The following USP34 variants were observed in gnomAD, a reference collection of about 807,000 sequenced individuals.
USP34 encodes ubiquitin specific peptidase 34.
A neutral mutation model predicts 460.3 loss-of-function variants in USP34; 70 were observed. The observed-to-expected ratio is 0.15, with a 90% confidence interval of 0.13 to 0.19. USP34 has a LOEUF of 0.19. Among genes scored for constraint, USP34 ranks in the 10% least tolerant of loss-of-function variants. The pLI is 1.00. For missense variants in USP34, 3,985 were observed against 4,236.2 expected, an observed-to-expected ratio of 0.94 and a Z score of 1.65; for synonymous variants, 1,647 against 1,405.3, an observed-to-expected ratio of 1.17 and a Z score of -3.85.
chr2:61,339,195 A>G (rs1353186857), intron 18 of USP34, among the ~76,000 whole-genome samples, 156 bp downstream of exon 18: 1 of 152,180 alleles, frequency 6.6e-6, no homozygotes, highest in Non-Finnish European at 1.5e-5. Context: ...GTTAAGAAGA[A>G]ACCTCTAAAT....
chr2:61,258,467 G>GAATAGATGGTCTC (rs1223011941), intron 44 of USP34, among the ~76,000 whole-genome samples: 1 of 152,172 alleles, frequency 6.6e-6, no homozygotes, highest in Non-Finnish European at 1.5e-5. Context: ...TTAATCTGTG[G>GAATAGATGGTCTC]AATAGATGGT....
chr2:61,423,916 C>G (rs768348700), intron 1 of USP34, among the ~76,000 whole-genome samples: 1 of 152,122 alleles, frequency 6.6e-6, no homozygotes, highest in Admixed American at 6.5e-5. Context: ...ATGATCATGC[C>G]ACTGACTCCA....
In USP34 at chr2:61,369,051, T is replaced by A. The variant is rs186798132; in HGVS notation, c.1251+1270A>T. On this transcript the variant is annotated intron_variant, in intron 10 of 79. Coordinates refer to ENST00000398571, the MANE Select transcript of USP34 (RefSeq NM_014709.4). ...ATTCCAGAAAAAGCAACAAAATGGC[T>A]CTTAAACACAAGATTTGCAAACTCA... 1.9e-3 allele frequency among the ~76,000 whole-genome samples: 286 copies of A among 152,192 alleles called. 2 individuals are homozygous for A. Among genetic ancestry groups the A allele is most frequent in the Non-Finnish European group, 3.1e-4 (21 of 67,996 alleles).
chr2:61,434,836 T>A (rs1222520166), intron 1 of USP34, among the ~76,000 whole-genome samples: 2 of 151,490 alleles, frequency 1.3e-5, no homozygotes, highest in African/African-American at 4.9e-5. Context: ...AAACATGACA[T>A]CTTCAAAGGC....
At chr2:61,214,728 G>A (rs1314522417) in intron 67 of USP34, 34 bp from the exon 68 acceptor site, 12 of 1,605,860 alleles carry the variant, frequency 7.5e-6, no homozygotes, top group Non-Finnish European at 1.0e-5. Context: ...TCAGATCCTT[G>A]TAAGATATAA....
In USP34 at chr2:61,188,588, A is replaced by G; in HGVS notation, c.10155T>C (p.Thr3385=). Residue 3385 remains threonine, a synonymous_variant, in exon 80 of 80, where the codon ACT becomes ACC. Coordinates refer to ENST00000398571, the MANE Select transcript of USP34 (RefSeq NM_014709.4). Reference sequence around the variant, plus strand: ...AGGAGTCTCTGGTCTCATTGTCAGAAGTGCTCGTTGGGGTCAGGACCTCCC... The same window carrying G: ...AGGAGTCTCTGGTCTCATTGTCAGAGGTGCTCGTTGGGGTCAGGACCTCCC... ...ETREVLTPTS[T]SDNETRDSSI... is the part of the protein sequence containing the mutation. 1 of 1,614,184 alleles carries G rather than the reference A, an allele frequency of 6.2e-7. No homozygotes were observed. The highest frequency in any genetic ancestry group is 2.2e-5 in the East Asian group (1 of 44,884).
In USP34 at chr2:61,283,206, C is replaced by A; in HGVS notation, c.4937G>T (p.Ser1646Ile). ...TTGTAAATGATCGCTATCAGCAAGG[C>A]TAGATTTCACTAAAGAACAGCAATG... ...WAHCCSLVKS[S>I]LADSDHLQDW... The change falls in exon 37 of 80, where the codon AGC (serine) becomes ATC (isoleucine). Residue 1646 changes from serine to isoleucine, a missense_variant. By Grantham distance (142) the Ser-to-Ile change is moderately radical. This residue lies in a region of USP34 where 1,114 missense variants were observed against 1,122.5 expected (regional missense o/e 0.99). Coordinates refer to ENST00000398571, the MANE Select transcript of USP34 (RefSeq NM_014709.4). 2.5e-6 allele frequency: 4 copies of A among 1,613,436 alleles called. No individual in the cohort carries two copies. The highest frequency in any genetic ancestry group is 2.5e-6 in the Non-Finnish European group (3 of 1,179,698).
At chr2:61,311,492 G>GA (rs761797042) in intron 27 of USP34, 48 bp downstream of exon 27, 1 of 198,034 alleles carries the variant, frequency 5.0e-6, no homozygotes, top group Non-Finnish European at 7.5e-6. Flanking sequence ...AAGAGAAAAA[G>GA]AAAGAAAGAG....
intron 2 of USP34, among the ~76,000 whole-genome samples, chr2:61,414,740 G>T (rs1694144831): frequency 6.6e-6 from 1 of 152,158 alleles, no homozygotes; most frequent in African/African-American, 2.4e-5. Flanking sequence ...GGGAGTCAAG[G>T]ACCCAGTTAC....
chr2:61,390,887 G>C (rs1423487333), intron 5 of USP34, among the ~76,000 whole-genome samples: 1 of 151,518 alleles, frequency 6.6e-6, no homozygotes. Flanking sequence ...GCAAGGTCAA[G>C]AGATTGAGAC....
chr2:61,450,828 C>T (rs893369689), intron 1 of USP34, among the ~76,000 whole-genome samples: 5 of 151,376 alleles, frequency 3.3e-5, no homozygotes, highest in African/African-American at 1.2e-4. Context: ...TCAACTCTTA[C>T]CCCACTTATA....
At chr2:61,355,019 C>T (rs1400049733) in intron 10 of USP34, among the ~76,000 whole-genome samples, 1 of 152,190 alleles carries the variant, frequency 6.6e-6, no homozygotes, top group Admixed American at 6.5e-5. Flanking sequence ...TGTCTCTATC[C>T]TGCAAGACAG....
chr2:61,378,861 C>T (rs571919234), intron 7 of USP34, among the ~76,000 whole-genome samples: 4 of 141,306 alleles, frequency 2.8e-5, no homozygotes, highest in Non-Finnish European at 4.6e-5. Context: ...GCCAAGATCG[C>T]GCCACTGCAC....
chr2:61,356,500 T>C (rs778145), intron 10 of USP34, among the ~76,000 whole-genome samples: 18,807 of 128,244 alleles, frequency 0.15, 1,415 homozygotes, highest in African/African-American at 0.23. Flanking sequence ...CACACACACA[T>C]ACACACACAC....
intron 13 of USP34, 86 bp from the exon 14 acceptor site, chr2:61,348,972 C>A: frequency 1.4e-6 from 2 of 1,425,204 alleles, no homozygotes; most frequent in Non-Finnish European, 1.9e-6. Flanking sequence ...ATTCCTTGAC[C>A]TAGTTACCAA....
At position 61,331,368 on chromosome 2, in the gene USP34, C is replaced by A; in HGVS notation, c.2838G>T (p.Trp946Cys). 1.9e-6 allele frequency: 3 copies of A among 1,608,112 alleles called. No individual in the cohort carries two copies. The highest frequency in any genetic ancestry group is 1.7e-6 in the Non-Finnish European group (2 of 1,177,440). The change falls in exon 20 of 80, where the codon TGG becomes TGT. Residue 946 changes from tryptophan to cysteine, a missense_variant. Transcript: ENST00000398571. The part of the protein sequence containing the change: ...SSYDTHWITM[W>C]AEKELNMMKL... ...TCATCATGTTCAGTTCTTTTTCTGC[C>A]CACCTGGCCCAAATAAAAGAAAAAA...
intron 10 of USP34, among the ~76,000 whole-genome samples, chr2:61,354,084 G>C (rs1302885966): frequency 2.4e-4 from 36 of 152,142 alleles, no homozygotes; most frequent in Non-Finnish European, 1.5e-4. Flanking sequence ...AAAATGGAAA[G>C]ACAGAATACT....
chr2:61,196,290 C>G (rs1408681201), intron 75 of USP34, among the ~76,000 whole-genome samples: 1 of 149,712 alleles, frequency 6.7e-6, no homozygotes, highest in Non-Finnish European at 1.5e-5. Flanking sequence ...CGGGGTTTCA[C>G]TGTGTTAGCC....
intron 18 of USP34, among the ~76,000 whole-genome samples, chr2:61,336,949 C>T (rs1452447344): frequency 6.6e-6 from 1 of 151,892 alleles, no homozygotes; most frequent in Non-Finnish European, 1.5e-5. Context: ...TTGCCTAAAT[C>T]ATTATATAAT....
Sources: allele counts gnomAD v4.1 joint callset (sites outside exome capture counted in the v4.1 genomes callset), GRCh38; gene constraint gnomAD v4.1.1; regional missense constraint gnomAD v4.1.1; transcripts MANE v1.5; gene names NCBI Gene and HGNC (gene_info 2026-07-23, HGNC 2026-07-21).